The following CEP76 variants were observed in gnomAD, a reference collection of about 807,000 sequenced individuals.
CEP76 encodes the protein centrosomal protein of 76 kDa.
In CEP76, 55 loss-of-function variants were observed where a neutral mutation model predicts 83.3. The observed-to-expected ratio is 0.66, with a 90% CI of 0.53 to 0.83. The LOEUF (loss-of-function observed/expected upper bound fraction) is 0.83, where lower values mean the gene tolerates loss of function less well. Ranked by LOEUF, CEP76 falls within the 40% of genes least tolerant of loss-of-function variation. CEP76 has a pLI of 0.00. For missense variants in CEP76, 694 were observed against 799.5 expected (o/e 0.87, Z 1.59); for synonymous variants, 270 against 274.5 (o/e 0.98, Z 0.16).
At position 12,673,043 on chromosome 18, in the gene CEP76, C is replaced by A; in HGVS notation, c.*322G>T. ...CTTAGACAAACATCTCTTTGATTAC[C>A]TGTTTGTGTAAAGAAAACTGAATGC... is the stretch of plus-strand genomic sequence containing the variant. On this transcript the variant is annotated 3_prime_UTR_variant, in exon 12 of 12. Transcript: ENST00000262127. 1 of 1,018,900 alleles carries A rather than the reference C, an allele frequency of 9.8e-7. No individual in the cohort carries two copies. Among genetic ancestry groups the A allele is most frequent in the Non-Finnish European group, 1.2e-6 (1 of 852,086 alleles). The allele number at this position is 1,018,900 out of a possible 1,614,324, so 63.1% of individuals were successfully genotyped here.
downstream of CEP76, among the ~76,000 whole-genome samples, chr18:12,667,848 CTTTT>C (rs36019439): frequency 2.1e-4 from 25 of 116,704 alleles, no homozygotes; most frequent in Non-Finnish European, 3.7e-4. Context: ...CTTTCTGATC[CTTTT>C]TTTTTTTTTT....
intron 6 of CEP76, chr18:12,692,299 G>A (rs1222591057): frequency 6.6e-6 from 1 of 151,044 alleles, no homozygotes; most frequent in Non-Finnish European, 1.5e-5. Context: ...CTGGGCGATA[G>A]AGTGAGACTC....
intron 12 of CEP76, among the ~76,000 whole-genome samples, chr18:12,664,385 A>G (rs896209130): frequency 1.3e-5 from 2 of 150,554 alleles, no homozygotes; most frequent in African/African-American, 4.9e-5. Flanking sequence ...AAAAATACAA[A>G]ATTAAAATAC....
chr18:12,700,815 C>T, intron 2 of CEP76, 143 bp downstream of exon 2: 2 of 597,462 alleles, frequency 3.3e-6, no homozygotes, highest in South Asian at 2.4e-5. Flanking sequence ...CTAGCCTATA[C>T]TTGAAACAAG....
intron 2 of CEP76, chr18:12,700,398 C>T (rs2040111084): frequency 6.6e-6 from 1 of 152,608 alleles, no homozygotes; most frequent in Admixed American, 6.5e-5. Context: ...CATTATATTA[C>T]CCAGGTATTG....
intron 7 of CEP76, among the ~76,000 whole-genome samples, chr18:12,690,928 A>G (rs932828819): frequency 6.8e-6 from 1 of 148,048 alleles, no homozygotes; most frequent in Non-Finnish European, 1.5e-5. Context: ...AAAAATATAT[A>G]TATGCCCAGA....
intron 1 of CEP76, 147 bp downstream of exon 1, chr18:12,702,339 C>A: frequency 3.2e-6 from 2 of 624,428 alleles, no homozygotes; most frequent in Non-Finnish European, 2.8e-6. Flanking sequence ...GCCTCAAACT[C>A]AAAGCTCTGC....
At position 12,691,487 on chromosome 18, in the gene CEP76, G is replaced by A. The variant is rs1568026192; in HGVS notation, c.805C>T (p.Leu269Phe). Reference sequence around the variant, plus strand: ...GCAGTTTTCTGACGTTCCAAAGCAAGCTTGAAATTGAAAAAAATATTTTTC... The same window carrying A: ...GCAGTTTTCTGACGTTCCAAAGCAAACTTGAAATTGAAAAAAATATTTTTC... ...TLSQEVVNTQ[L>F]ALERQKTAEK... is the part of the protein sequence containing the mutation. Residue 269 changes from leucine (L) to phenylalanine (F), a missense_variant and splice_region_variant, in exon 7 of 12, where the codon CTT becomes TTT. Leu to Phe is a conservative substitution (Grantham distance 22). Coordinates refer to ENST00000262127, the MANE Select transcript of CEP76 (RefSeq NM_024899.4). The A allele has an allele frequency of 6.3e-7, 1 of 1,576,918 alleles. No homozygotes were observed. Among genetic ancestry groups the A allele is most frequent in the Non-Finnish European group, 8.6e-7 (1 of 1,166,018 alleles).
At chr18:12,688,041 A>G (rs1474544067) in intron 7 of CEP76, among the ~76,000 whole-genome samples, 2 of 151,900 alleles carry the variant, frequency 1.3e-5, no homozygotes, top group Non-Finnish European at 2.9e-5. Context: ...CAGGAGATCA[A>G]TTCCATCCTG....
downstream of CEP76, among the ~76,000 whole-genome samples, chr18:12,671,361 TAG>T (rs1284458348): frequency 5.3e-5 from 8 of 152,186 alleles, no homozygotes; most frequent in African/African-American, 1.9e-4. Context: ...CCAACTGGTA[TAG>T]AGTTACTTTC....
chr18:12,692,372 A>T (rs1235302576), intron 6 of CEP76: 1 of 151,714 alleles, frequency 6.6e-6, no homozygotes, highest in East Asian at 1.9e-4. Flanking sequence ...TCTCCATCAC[A>T]TTGCAAAATA....
In CEP76 at chr18:12,686,284, A is replaced by G. The variant is rs764457288; in HGVS notation, c.1100T>C (p.Leu367Pro). The G allele has an allele frequency of 6.2e-7, 1 of 1,614,024 alleles. No homozygotes were observed. Among genetic ancestry groups the G allele is most frequent in the Admixed American group, 1.7e-5 (1 of 59,996 alleles). Residue 367 changes from leucine to proline, a missense_variant, in exon 8 of 12, where the codon CTG becomes CCG. Transcript: ENST00000262127. Reference protein sequence around the residue: ...GGKQEQWCTLLAFLCRNKGDC... With the variant: ...GGKQEQWCTLPAFLCRNKGDC... ...TACCTTGTTTCTACAGAGAAAGGCC[A>G]GCAGAGTGCACCACTGCTCCTGTTT... is the stretch of plus-strand genomic sequence containing the variant.
intron 9 of CEP76, 44 bp downstream of exon 9, chr18:12,680,616 AAC>A (rs1491400593): frequency 4.2e-4 from 569 of 1,351,494 alleles, no homozygotes; most frequent in Middle Eastern, 1.1e-3. Flanking sequence ...AAAAAAAAAA[AAC>A]TTATAACTTC....
At chr18:12,666,153 CA>C (rs35334528) in intron 12 of CEP76, among the ~76,000 whole-genome samples, 20,963 of 116,756 alleles carry the variant, frequency 0.18, 1,410 homozygotes, top group East Asian at 0.27. Flanking sequence ...CTCATCTCTA[CA>C]AAAAAAAAAA....
chr18:12,689,939 C>G (rs569970703), intron 7 of CEP76, among the ~76,000 whole-genome samples: 1 of 152,312 alleles, frequency 6.6e-6, no homozygotes, highest in South Asian at 2.1e-4. Context: ...TAGGTGCCTG[C>G]CACCAAGCCT....
intron 2 of CEP76, 46 bp downstream of exon 2, chr18:12,700,912 G>C (rs769083044): frequency 6.7e-7 from 1 of 1,492,340 alleles, no homozygotes. Flanking sequence ...TTACGCATTA[G>C]TATATACATA....
rs538668730 is a variant in CEP76, at chr18:12,674,663, T to C, written c.1714A>G (p.Ile572Val). ...ASYEFERTTS[I>V]SAGNEEFQDA... ...TGAAATTCTTCATTGCCTGCTGATA[T>C]ACTTGTTGTACGCTCAAATTCATAA... The change falls in exon 11 of 12, where the codon ATA becomes GTA. Residue 572 changes from isoleucine to valine, a missense_variant. Ile to Val is a conservative substitution (Grantham distance 29). Coordinates refer to ENST00000262127, the MANE Select transcript of CEP76 (RefSeq NM_024899.4). 8.7e-6 allele frequency: 14 copies of C among 1,614,094 alleles called. No homozygotes were observed. Among genetic ancestry groups the C allele is most frequent in the Middle Eastern group, 3.3e-4 (2 of 6,062 alleles).
upstream of CEP76, chr18:12,702,730 C>CCGGCGG (rs1170610508): frequency 1.5e-6 from 1 of 650,492 alleles, no homozygotes; most frequent in Non-Finnish European, 2.5e-6. Flanking sequence ...AAATGAGGCC[C>CCGGCGG]CGGCGGCGGC....
At chr18:12,681,894 G>C (rs1003165581) in intron 8 of CEP76, among the ~76,000 whole-genome samples, 1 of 151,976 alleles carries the variant, frequency 6.6e-6, no homozygotes, top group African/African-American at 2.4e-5. Flanking sequence ...TACTCAGGAG[G>C]CTGAGGCAGG....
Sources: gnomAD v4.1 joint callset for allele counts (sites outside exome capture counted in the v4.1 genomes callset) on GRCh38, gnomAD v4.1.1 for gene constraint, MANE v1.5 for transcripts, NCBI Gene and HGNC (gene_info 2026-07-23, HGNC 2026-07-21) for gene names.